Variants in PRDM8 observed in about 807,000 individuals in gnomAD.
PRDM8 encodes PR/SET domain 8, also known as PR domain zinc finger protein 8.
PRDM8 carries 13 observed loss-of-function variants against 46.5 expected under a neutral mutation model. That is an observed-to-expected ratio of 0.28 (90% CI 0.18 to 0.44). PRDM8 has a LOEUF of 0.44. Ranked by LOEUF, PRDM8 falls within the 20% of genes least tolerant of loss-of-function variation. The probability of loss-of-function intolerance (pLI) is 1.00; values close to 1 mark genes in which losing one functional copy is unlikely to be tolerated. For missense variants in PRDM8, 998 were observed against 955.0 expected, an observed-to-expected ratio of 1.04 and a Z score of -0.59; for synonymous variants, 473 against 438.4, an observed-to-expected ratio of 1.08 and a Z score of -0.98.
rs764059996 is a variant in PRDM8 at position 80,202,082 on chromosome 4, G to A, written c.620G>A (p.Gly207Asp). 1.2e-6 allele frequency: 2 copies of A among 1,612,932 alleles called. No homozygotes were observed. The highest frequency in any genetic ancestry group is 1.1e-5 in the South Asian group (1 of 91,002). The change falls in exon 4 of 4, where the codon GGC becomes GAC. Residue 207 changes from glycine to aspartate, a missense_variant. By Grantham distance (94) the Gly-to-Asp change is moderately conservative. Coordinates refer to ENST00000415738, the MANE Select transcript of PRDM8 (RefSeq NM_001099403.2). ...ACCAAGGACCACGGGGGCGGCGGCGGCGGTGGCAAAGACCAGCAGCAGCAG... is the reference window on the plus strand; with the variant it reads ...ACCAAGGACCACGGGGGCGGCGGCGACGGTGGCAAAGACCAGCAGCAGCAG... ...VGTKDHGGGGGGGKDQQQQQQ... is the reference protein window; with the variant it reads ...VGTKDHGGGGDGGKDQQQQQQ...
intron 2 of PRDM8, 140 bp from the exon 3 acceptor site, chr4:80,201,150 C>T: frequency 1.3e-6 from 1 of 770,368 alleles, no homozygotes; most frequent in Non-Finnish European, 2.1e-6. Flanking sequence ...TTGGGCCAAA[C>T]TTTTGGAAGC....
rs750030014 is a variant in PRDM8 at position 80,203,220 on chromosome 4, CGCTGCCGCTGCAGCCGCGGCTGCGGCG to C, written c.1761_1787del (p.Ala590_Ala598del). The C allele has an allele frequency of 1.3e-6, 2 of 1,552,846 alleles. No individual in the cohort carries two copies. Among genetic ancestry groups the C allele is most frequent in the Admixed American group, 3.9e-5 (2 of 51,134 alleles). ...CCACCGCCTTCTGGCCCAAGAGCTC[CGCTGCCGCTGCAGCCGCGGCTGCGGCG>C]GCGGCCGCGGGGCCCTTGCAGCTGC... On this transcript the variant is annotated inframe_deletion, in exon 4 of 4. Coordinates refer to ENST00000415738, the MANE Select transcript of PRDM8 (RefSeq NM_001099403.2).
At chr4:80,187,906 AGACT>A (rs1737246134) in intron 1 of PRDM8, among the ~76,000 whole-genome samples, 2 of 152,236 alleles carry the variant, frequency 1.3e-5, no homozygotes, top group African/African-American at 4.8e-5. Flanking sequence ...CATTTCAGAC[AGACT>A]CTTTGTCTCC....
Position 80,203,494 on chromosome 4 carries a change from C to G in PRDM8, c.2032C>G (p.Arg678Gly). ...CATCTGCAATGAGTCCTTCAGGGAGCGCCACCACCTCTCCAGGCACATGAC... is the reference window on the plus strand; with the variant it reads ...CATCTGCAATGAGTCCTTCAGGGAGGGCCACCACCTCTCCAGGCACATGAC... ...CPICNESFRE[R>G]HHLSRHMTSH... Residue 678 changes from arginine (R) to glycine (G), a missense_variant, in exon 4 of 4, where the codon CGC becomes GGC. By Grantham distance (125) the Arg-to-Gly change is moderately radical. Coordinates refer to ENST00000415738, the MANE Select transcript of PRDM8 (RefSeq NM_001099403.2). 1 of 1,612,948 alleles carries G rather than the reference C, an allele frequency of 6.2e-7. No individual in the cohort carries two copies. The highest frequency in any genetic ancestry group is 8.5e-7 in the Non-Finnish European group (1 of 1,179,564).
rs1738818730 is a variant in PRDM8, at chr4:80,204,294, G to A, written c.*762G>A. On this transcript the variant is annotated 3_prime_UTR_variant, in exon 4 of 4. Transcript: ENST00000415738. ...TATAGTTTATCCGAGTATGTTGGAT[G>A]CTTTGACAATAAATGACTATTTTCT... The A allele has an allele frequency of 6.6e-6, 1 of 152,642 alleles. No homozygotes were observed. Among genetic ancestry groups the A allele is most frequent in the Non-Finnish European group, 1.5e-5 (1 of 68,032 alleles). 9.5% of individuals were successfully genotyped at this position (152,642 alleles called of 1,614,324 possible).
chr4:80,187,248 G>GGGGGGT (rs111488766), intron 1 of PRDM8, among the ~76,000 whole-genome samples: 2 of 93,696 alleles, frequency 2.1e-5, no homozygotes, highest in African/African-American at 7.1e-5. Flanking sequence ...CTGCCCTGGG[G>GGGGGGT]CGGGGGGAAG....
At chr4:80,201,230 C>G (rs763691849) in intron 2 of PRDM8, 60 bp from the exon 3 acceptor site, 16 of 1,448,552 alleles carry the variant, frequency 1.1e-5, no homozygotes, top group Non-Finnish European at 1.5e-5. Context: ...ATTTCATTCC[C>G]TCATGAGGGT....
rs1465649100 is a variant in PRDM8 at position 80,203,236 on chromosome 4, G to C, written c.1774G>C (p.Ala592Pro). 1 of 1,551,104 alleles carries C rather than the reference G, an allele frequency of 6.4e-7. No individual in the cohort carries two copies. Among genetic ancestry groups the C allele is most frequent in the Non-Finnish European group, 8.7e-7 (1 of 1,150,668 alleles). Residue 592 changes from alanine (A) to proline (P), a missense_variant, in exon 4 of 4, where the codon GCG becomes CCG. Physicochemically the swap from Ala to Pro is conservative, Grantham distance 27. Transcript: ENST00000415738. ...CAAGAGCTCCGCTGCCGCTGCAGCC[G>C]CGGCTGCGGCGGCGGCCGCGGGGCC... ...WPKSSAAAAA[A>P]AAAAAAGPLQ...
At chr4:80,196,861 C>T, upstream of PRDM8, 1 of 966,316 alleles carries the variant, frequency 1.0e-6, no homozygotes, top group Non-Finnish European at 1.2e-6. Flanking sequence ...CGTTATGTCC[C>T]CTTCCGAGGT....
intron 2 of PRDM8, among the ~76,000 whole-genome samples, chr4:80,191,825 A>G (rs1373927451): frequency 6.6e-6 from 1 of 152,224 alleles, no homozygotes; most frequent in African/African-American, 2.4e-5. Context: ...TTGAACTGAA[A>G]TCATGAAAGA....
At chr4:80,201,581 C>T (rs1384537139) in intron 3 of PRDM8, 60 bp downstream of exon 3, 4 of 1,525,736 alleles carry the variant, frequency 2.6e-6, no homozygotes, top group Non-Finnish European at 3.6e-6. Flanking sequence ...ACGCAGGGAG[C>T]GGCAGGGGCT....
Position 80,200,297 on chromosome 4 carries a change from C to T in PRDM8, c.217C>T (p.Arg73Trp), listed in dbSNP as rs1213467431. ...CAAGAGAACAGTACCGTATATCTTT[C>T]GGGTAAGTCTCCACTGTAGCTGTGT... The part of the protein sequence containing the change: ...TDKRTVPYIF[R>W]VDTSAANGSS... The change falls in exon 2 of 4, where the codon CGG becomes TGG. Residue 73 changes from arginine to tryptophan, a missense_variant and splice_region_variant. Physicochemically the swap from Arg to Trp is moderately radical, Grantham distance 101 (BLOSUM62 -3). Transcript: ENST00000415738. 2.5e-6 allele frequency: 4 copies of T among 1,609,298 alleles called. No homozygotes were observed. The African/African-American group carries it at 4.0e-5, about 16-fold the overall frequency.
chr4:80,202,928 G>C lies in PRDM8; in HGVS notation c.1466G>C (p.Gly489Ala). The change falls in exon 4 of 4, where the codon GGC (glycine) becomes GCC (alanine). Residue 489 changes from glycine (G) to alanine (A), a missense_variant. By Grantham distance (60) the Gly-to-Ala change is moderately conservative. Transcript: ENST00000415738. ...GGGGCCGCAGGCGGCGCGGGCGGGG[G>C]CCAGGGCGCCGCGTCGGACGAGCGC... is the stretch of plus-strand genomic sequence containing the variant. Reference protein sequence around the residue: ...GAGAAGGAGGGQGAASDERKS... With the variant: ...GAGAAGGAGGAQGAASDERKS... 7.0e-7 allele frequency: 1 copy of C among 1,438,670 alleles called. No homozygotes were observed. The highest frequency in any genetic ancestry group is 9.1e-7 in the Non-Finnish European group (1 of 1,102,372). 89.1% of individuals were successfully genotyped at this position (1,438,670 alleles called of 1,614,324 possible). A position where few individuals can be genotyped will look rare whatever the true frequency, so the allele number is the denominator to read the frequency against.
rs141824276 is a variant in PRDM8 at position 80,201,859 on chromosome 4, C to CGT, written c.452-39_452-38dup. The CGT allele has an allele frequency of 2.3e-3, 3,127 of 1,381,590 alleles. 3 individuals carry two copies. Among genetic ancestry groups the CGT allele is most frequent in the South Asian group, 8.6e-3 (691 of 80,030 alleles). The allele number at this position is 1,381,590 out of a possible 1,614,324, so 85.6% of individuals were successfully genotyped here. A position where few individuals can be genotyped will look rare whatever the true frequency, so the allele number is the denominator to read the frequency against. ...CGATGCTGAGTAATCATGTGGTGTG[C>CGT]GTGTGTGTGTGTGTGTGCGTGCGTG... is the stretch of plus-strand genomic sequence containing the variant. On this transcript the variant is annotated intron_variant, in intron 3 of 3. Transcript: ENST00000415738.
Position 80,203,366 on chromosome 4 carries a change from G to C in PRDM8, c.1904G>C (p.Arg635Pro). 2.5e-6 allele frequency: 4 copies of C among 1,614,048 alleles called. No homozygotes were observed. The highest frequency in any genetic ancestry group is 3.4e-6 in the Non-Finnish European group (4 of 1,180,014). Residue 635 changes from arginine (R) to proline (P), a missense_variant, in exon 4 of 4, where the codon CGC becomes CCC. Transcript: ENST00000415738. ...NWCAKCNASF[R>P]MTSDLVYHMR... Reference sequence around the variant, plus strand: ...TGCGCCAAGTGCAATGCCTCCTTCCGCATGACCTCCGACCTGGTGTACCAT... The same window carrying C: ...TGCGCCAAGTGCAATGCCTCCTTCCCCATGACCTCCGACCTGGTGTACCAT...
upstream of PRDM8, among the ~76,000 whole-genome samples, chr4:80,193,196 C>G (rs1039420118): frequency 6.6e-6 from 1 of 152,172 alleles, no homozygotes; most frequent in South Asian, 2.1e-4. Context: ...TTACCCAACC[C>G]TGAGTCTCTG....
At chr4:80,199,973 G>T in intron 1 of PRDM8, 106 bp from the exon 2 acceptor site, 1 of 820,298 alleles carries the variant, frequency 1.2e-6, no homozygotes, top group Non-Finnish European at 1.9e-6. Context: ...CAAAAATCAG[G>T]CATGTGCAAG....
chr4:80,199,707 ATATG>A (rs1460194435), intron 1 of PRDM8, among the ~76,000 whole-genome samples: 36 of 90,624 alleles, frequency 4.0e-4, no homozygotes, highest in African/African-American at 1.4e-3. Flanking sequence ...ATATATATAT[ATATG>A]TGTGTGTGTG....
At chr4:80,200,497 A>G (rs1738360555) in intron 2 of PRDM8, among the ~76,000 whole-genome samples, 198 bp downstream of exon 2, 1 of 152,274 alleles carries the variant, frequency 6.6e-6, no homozygotes, top group Admixed American at 6.5e-5. Flanking sequence ...TTTGGAATAA[A>G]TGACAAAATT....
Sources: gnomAD v4.1 joint callset for allele counts (sites outside exome capture counted in the v4.1 genomes callset) on GRCh38, gnomAD v4.1.1 for gene constraint, MANE v1.5 for transcripts, NCBI Gene and HGNC (gene_info 2026-07-23, HGNC 2026-07-21) for gene names.